ZFAND3: variants seen among roughly 807,000 people sequenced by gnomAD.
ZFAND3 encodes the protein AN1-type zinc finger protein 3.
A neutral mutation model predicts 29.6 loss-of-function variants in ZFAND3; 10 were observed. That is an observed-to-expected ratio of 0.34 (90% CI 0.21 to 0.57). The LOEUF (loss-of-function observed/expected upper bound fraction) is 0.57, where lower values mean the gene tolerates loss of function less well. ZFAND3 is among the 20% of genes least tolerant of loss of function. The probability of loss-of-function intolerance (pLI) is 0.86; values close to 1 mark genes in which losing one functional copy is unlikely to be tolerated. For synonymous variants in ZFAND3, 128 were observed against 112.6 expected, an observed-to-expected ratio of 1.14 and a Z score of -0.87; for missense variants, 230 against 304.5, an observed-to-expected ratio of 0.76 and a Z score of 1.82.
chr6:37,819,937 C>G lies in ZFAND3; in HGVS notation c.-9C>G. The stretch of plus-strand genomic sequence containing the variant: ...CTGCCGCCGCCGAGCTCCGCCGCCG[C>G]CGAGCACCATGGGAGACGCTGGGAG... On this transcript the variant is annotated 5_prime_UTR_variant, in exon 1 of 6. Transcript: ENST00000287218. 1.6e-6 allele frequency: 2 copies of G among 1,219,746 alleles called. No individual in the cohort carries two copies. The highest frequency in any genetic ancestry group is 2.0e-6 in the Non-Finnish European group (2 of 981,780). 75.6% of individuals were successfully genotyped at this position (1,219,746 alleles called of 1,614,324 possible).
intron 1 of ZFAND3, among the ~76,000 whole-genome samples, chr6:37,843,061 C>A (rs1277661297): frequency 6.7e-6 from 1 of 150,278 alleles, no homozygotes; most frequent in African/African-American, 2.5e-5. Flanking sequence ...GGCGGAGGTT[C>A]CAGTGAGCTG....
chr6:37,938,393 G>T (rs1761741517), intron 2 of ZFAND3, among the ~76,000 whole-genome samples: 1 of 152,094 alleles, frequency 6.6e-6, no homozygotes, highest in South Asian at 2.1e-4. Context: ...ACATTAATTG[G>T]TCACCTTCAT....
intron 1 of ZFAND3, among the ~76,000 whole-genome samples, chr6:37,876,137 G>C (rs957284693): frequency 6.6e-6 from 1 of 152,164 alleles, no homozygotes; most frequent in Non-Finnish European, 1.5e-5. Context: ...ATTGGAAAAG[G>C]TGAAGCAGGA....
chr6:38,042,118 A>G (rs1415498140), intron 2 of ZFAND3, among the ~76,000 whole-genome samples: 1 of 150,522 alleles, frequency 6.6e-6, no homozygotes, highest in African/African-American at 2.4e-5. Context: ...TACAGGTGTG[A>G]GCCACTGCCT....
intron 1 of ZFAND3, among the ~76,000 whole-genome samples, chr6:37,877,341 C>A (rs150394046): frequency 6.6e-6 from 1 of 152,176 alleles, no homozygotes; most frequent in African/African-American, 2.4e-5. Context: ...TCCTTGGTAG[C>A]TGGTTGTGGA....
intron 1 of ZFAND3, among the ~76,000 whole-genome samples, chr6:37,902,725 T>C (rs1221725534): frequency 6.8e-6 from 1 of 147,682 alleles, no homozygotes. Context: ...AGCAGCAAGC[T>C]TCTTTTACTT....
At chr6:38,021,668 G>A (rs1763354582) in intron 2 of ZFAND3, among the ~76,000 whole-genome samples, 1 of 152,218 alleles carries the variant, frequency 6.6e-6, no homozygotes, top group South Asian at 2.1e-4. Flanking sequence ...GTGAAAATTA[G>A]TGATGGTAGA....
At chr6:37,936,798 G>A (rs59470013) in intron 2 of ZFAND3, among the ~76,000 whole-genome samples, 1 of 152,184 alleles carries the variant, frequency 6.6e-6, no homozygotes, top group Non-Finnish European at 1.5e-5. Context: ...ATACAATCTA[G>A]AAGTGGTTTG....
chr6:37,838,084 A>G (rs181622393), intron 1 of ZFAND3, among the ~76,000 whole-genome samples: 48 of 152,312 alleles, frequency 3.2e-4, no homozygotes, highest in Non-Finnish European at 6.0e-4. Context: ...GACAAGGACA[A>G]CTTGCTGTAT....
Position 38,152,998 on chromosome 6 carries a change from T to C in ZFAND3, c.*609T>C. On this transcript the variant is annotated 3_prime_UTR_variant, in exon 6 of 6. Coordinates refer to ENST00000287218, the MANE Select transcript of ZFAND3 (RefSeq NM_021943.3). ...CTTACGGAAATTTTTTTACCTGACT[T>C]GCTATGAAAAAACTCATCACACAAG... is the stretch of plus-strand genomic sequence containing the variant. 2 of 985,860 alleles carry C rather than the reference T, an allele frequency of 2.0e-6. No individual in the cohort carries two copies. Among genetic ancestry groups the C allele is most frequent in the Non-Finnish European group, 2.4e-6 (2 of 829,966 alleles). The allele number at this position is 985,860 out of a possible 1,614,324, so 61.1% of individuals were successfully genotyped here.
At chr6:38,020,812 C>T (rs2127447397) in intron 2 of ZFAND3, among the ~76,000 whole-genome samples, 1 of 152,268 alleles carries the variant, frequency 6.6e-6, no homozygotes, top group South Asian at 2.1e-4. Flanking sequence ...GATATGTCCA[C>T]TACTTTCCAC....
At chr6:38,137,463 A>G (rs1052956882) in intron 5 of ZFAND3, among the ~76,000 whole-genome samples, 12 of 152,214 alleles carry the variant, frequency 7.9e-5, no homozygotes, top group Admixed American at 2.0e-4. Flanking sequence ...TCTATTTTTA[A>G]TGAGTCAAAT....
chr6:37,889,873 A>G (rs577596084), intron 1 of ZFAND3, among the ~76,000 whole-genome samples: 1 of 152,376 alleles, frequency 6.6e-6, no homozygotes, highest in African/African-American at 2.4e-5. Context: ...TACATAATAC[A>G]TATTTTAAGC....
intron 4 of ZFAND3, among the ~76,000 whole-genome samples, chr6:38,089,096 G>GT (rs1288458979): frequency 6.6e-6 from 1 of 151,996 alleles, no homozygotes. Flanking sequence ...AAAGAGAACA[G>GT]TTTTTCCCTT....
chr6:38,151,262 C>T (rs922950057), intron 5 of ZFAND3, among the ~76,000 whole-genome samples: 4 of 152,310 alleles, frequency 2.6e-5, no homozygotes, highest in African/African-American at 9.6e-5. Flanking sequence ...GCTCGATAGG[C>T]CTCTTGATCT....
At chr6:38,016,104 C>CAGT (rs70981518) in intron 2 of ZFAND3, among the ~76,000 whole-genome samples, 39,618 of 151,950 alleles carry the variant, frequency 0.26, 6,624 homozygotes, top group Non-Finnish European at 0.38. Context: ...GTTCCTTAGA[C>CAGT]AGTAGTTCAG....
chr6:37,967,459 C>T (rs1475136142), intron 2 of ZFAND3, among the ~76,000 whole-genome samples: 3 of 152,134 alleles, frequency 2.0e-5, no homozygotes, highest in African/African-American at 7.2e-5. Flanking sequence ...AGCCTTGGTT[C>T]TTTTTAAGGG....
chr6:38,120,440 C>T (rs1418878124), intron 5 of ZFAND3, among the ~76,000 whole-genome samples: 2 of 149,964 alleles, frequency 1.3e-5, no homozygotes, highest in Admixed American at 1.3e-4. Context: ...ATTCTCCTGC[C>T]TCAGCCTCCC....
chr6:38,035,899 C>CA (rs1266988365), intron 2 of ZFAND3, among the ~76,000 whole-genome samples: 1 of 152,154 alleles, frequency 6.6e-6, no homozygotes, highest in Non-Finnish European at 1.5e-5. Context: ...GGGCACACAG[C>CA]AAATGGAGAA....
Sources: allele counts gnomAD v4.1 joint callset (sites outside exome capture counted in the v4.1 genomes callset), GRCh38; gene constraint gnomAD v4.1.1; transcripts MANE v1.5; gene names NCBI Gene and HGNC (gene_info 2026-07-23, HGNC 2026-07-21).